Variants in WDR70 observed in about 807,000 individuals in gnomAD.
The protein encoded by WDR70 is WD repeat domain 70.
WDR70 carries 53 observed loss-of-function variants against 88.6 expected under a neutral mutation model. That is an observed-to-expected ratio of 0.60 (90% CI 0.48 to 0.75). The LOEUF is 0.75. Ranked by LOEUF, WDR70 falls within the 30% of genes least tolerant of loss-of-function variation. The pLI is 0.00. For synonymous variants in WDR70, 280 were observed against 270.0 expected (o/e 1.04, Z -0.36); for missense variants, 610 against 823.2 (o/e 0.74, Z 3.17).
intron 10 of WDR70, among the ~76,000 whole-genome samples, chr5:37,673,224 A>T (rs1269487771): frequency 6.6e-6 from 1 of 152,134 alleles, no homozygotes; most frequent in African/African-American, 2.4e-5. Context: ...CCTGCAAAAG[A>T]TGTGATCTCA....
chr5:37,682,343 TG>T (rs1400995737), intron 10 of WDR70, among the ~76,000 whole-genome samples: 2 of 152,072 alleles, frequency 1.3e-5, no homozygotes, highest in East Asian at 3.8e-4. Context: ...GTCTAGCTAG[TG>T]GTCTATTAAT....
intron 9 of WDR70, among the ~76,000 whole-genome samples, chr5:37,562,446 C>CT (rs764940127): frequency 0.25 from 28,594 of 115,392 alleles, 2,859 homozygotes; most frequent in South Asian, 0.34. Context: ...GCTTAATTCT[C>CT]TTTTTTTTTT....
chr5:37,435,867 G>C (rs755156668), intron 5 of WDR70, among the ~76,000 whole-genome samples: 63 of 152,008 alleles, frequency 4.1e-4, no homozygotes, highest in Non-Finnish European at 7.8e-4. Context: ...AAACCTCTCT[G>C]TGTGTGTATG....
At chr5:37,460,476 TG>T (rs1381074748) in intron 7 of WDR70, among the ~76,000 whole-genome samples, 1 of 52,860 alleles carries the variant, frequency 1.9e-5, no homozygotes, top group Non-Finnish European at 4.2e-5. Context: ...CACTCATAGG[TG>T]GGAATTGAAC....
chr5:37,541,651 TA>T (rs1197263603), intron 9 of WDR70, among the ~76,000 whole-genome samples: 1 of 152,134 alleles, frequency 6.6e-6, no homozygotes, highest in Non-Finnish European at 1.5e-5. Flanking sequence ...AATTCTTTTT[TA>T]AAAAGGTGGG....
chr5:37,450,389 C>A (rs1042576525), intron 7 of WDR70, among the ~76,000 whole-genome samples: 1 of 152,076 alleles, frequency 6.6e-6, no homozygotes, highest in Non-Finnish European at 1.5e-5. Flanking sequence ...GAAATACATG[C>A]GTGTATATTA....
intron 10 of WDR70, among the ~76,000 whole-genome samples, chr5:37,630,381 T>C (rs1429718864): frequency 2.0e-5 from 3 of 152,182 alleles, no homozygotes; most frequent in Admixed American, 2.0e-4. Context: ...GCATTGTTTC[T>C]CAGACCCTTG....
chr5:37,450,442 A>G (rs1738640273), intron 7 of WDR70, among the ~76,000 whole-genome samples: 1 of 152,166 alleles, frequency 6.6e-6, no homozygotes, highest in Non-Finnish European at 1.5e-5. Flanking sequence ...GTATCTCTCT[A>G]CATCCACGTT....
intron 7 of WDR70, among the ~76,000 whole-genome samples, 163 bp downstream of exon 7, chr5:37,443,535 C>A (rs1361125906): frequency 6.6e-6 from 1 of 152,128 alleles, no homozygotes; most frequent in Admixed American, 6.5e-5. Context: ...GTAAAACGAG[C>A]CTTACATTTC....
At position 37,450,214 on chromosome 5, in the gene WDR70, G is replaced by A. The variant is rs550236808; in HGVS notation, c.686+6842G>A. On this transcript the variant is annotated intron_variant, in intron 7 of 17. Transcript: ENST00000265107. Reference sequence around the variant, plus strand: ...ACAGTGCTGCAATAAACATATGTGTGCATGTGTCTTTATAGTAGAATGATT... The same window carrying A: ...ACAGTGCTGCAATAAACATATGTGTACATGTGTCTTTATAGTAGAATGATT... Among the ~76,000 whole-genome samples the A allele has an allele frequency of 5.3e-5, 8 of 152,282 alleles. No individual in the cohort carries two copies. The South Asian group carries it at 1.7e-3, about 32-fold the overall frequency.
rs1310004304 is a variant in WDR70, at chr5:37,619,286, A to C, written c.1092+14048A>C. Among the ~76,000 whole-genome samples the C allele has an allele frequency of 3.9e-5, 6 of 152,100 alleles. No homozygotes were observed. In the East Asian group the frequency reaches 5.8e-4, roughly 15 times the overall value. On this transcript the variant is annotated intron_variant, in intron 10 of 17. Transcript: ENST00000265107. Reference sequence around the variant, plus strand: ...ATGCTCCCTAATTCTTAAAAAAAAAAAAAAACTTTTGACATATTACAAAGC... The same window carrying C: ...ATGCTCCCTAATTCTTAAAAAAAAACAAAAACTTTTGACATATTACAAAGC...
At chr5:37,414,261 AC>A (rs1749623382) in intron 5 of WDR70, among the ~76,000 whole-genome samples, 1 of 148,238 alleles carries the variant, frequency 6.7e-6, no homozygotes, top group South Asian at 2.1e-4. Flanking sequence ...AATCACACTG[AC>A]TTTATCCCCT....
chr5:37,607,921 C>A (rs752006872), intron 10 of WDR70, among the ~76,000 whole-genome samples: 9 of 151,876 alleles, frequency 5.9e-5, no homozygotes, highest in Non-Finnish European at 1.0e-4. Flanking sequence ...AGCAAGGCAT[C>A]TATTGCCTTG....
intron 8 of WDR70, among the ~76,000 whole-genome samples, chr5:37,505,137 C>G (rs979654826): frequency 6.6e-6 from 1 of 152,194 alleles, no homozygotes; most frequent in African/African-American, 2.4e-5. Context: ...CTGTAGGGTT[C>G]TAGCTTCAAT....
At chr5:37,592,104 T>C (rs1427095595) in intron 9 of WDR70, among the ~76,000 whole-genome samples, 1 of 152,154 alleles carries the variant, frequency 6.6e-6, no homozygotes, top group Non-Finnish European at 1.5e-5. Flanking sequence ...GGCTCAGAAG[T>C]GTTCTGGGTT....
chr5:37,593,170 A>T (rs199644781), intron 9 of WDR70, among the ~76,000 whole-genome samples: 12 of 152,156 alleles, frequency 7.9e-5, no homozygotes, highest in East Asian at 7.7e-4. Context: ...TCTTTTTTTT[A>T]AAATACTTTT....
At chr5:37,646,711 A>G (rs1260502302) in intron 10 of WDR70, among the ~76,000 whole-genome samples, 2 of 152,082 alleles carry the variant, frequency 1.3e-5, no homozygotes, top group Admixed American at 6.6e-5. Context: ...TAGAGTTTCC[A>G]CTGAAAAGTC....
At chr5:37,739,719 C>T (rs1047038159) in intron 17 of WDR70, among the ~76,000 whole-genome samples, 2 of 152,012 alleles carry the variant, frequency 1.3e-5, no homozygotes, top group African/African-American at 2.4e-5. Context: ...TAGGTATACA[C>T]GTGCCATGGT....
chr5:37,497,877 A>C (rs1435685148), intron 8 of WDR70, among the ~76,000 whole-genome samples: 1 of 151,990 alleles, frequency 6.6e-6, no homozygotes, highest in Non-Finnish European at 1.5e-5. Flanking sequence ...GCTAGAGTGC[A>C]GTGGTGCAAT....
Sources: allele counts gnomAD v4.1 joint callset (sites outside exome capture counted in the v4.1 genomes callset), GRCh38; gene constraint gnomAD v4.1.1; transcripts MANE v1.5; gene names NCBI Gene and HGNC (gene_info 2026-07-23, HGNC 2026-07-21).